PTPN14: variants seen among roughly 807,000 people sequenced by gnomAD.
PTPN14 encodes the protein protein tyrosine phosphatase non-receptor type 14, also known as tyrosine-protein phosphatase non-receptor type 14.
Under a neutral mutation model 126.8 loss-of-function variants are expected in PTPN14, and 53 were observed. That is an observed-to-expected ratio of 0.42 (90% CI 0.34 to 0.53). PTPN14 has a LOEUF of 0.53. Among genes scored for constraint, PTPN14 ranks in the 20% least tolerant of loss-of-function variants. The pLI is 0.08. For synonymous variants in PTPN14, 630 were observed against 599.3 expected, an observed-to-expected ratio of 1.05 and a Z score of -0.75; for missense variants, 1,257 against 1,552.9, an observed-to-expected ratio of 0.81 and a Z score of 3.20.
At position 214,383,674 on chromosome 1, in the gene PTPN14, G is replaced by T. The variant is rs758487866; in HGVS notation, c.2181C>A (p.Leu727=). ...APESVPQIPM[L]REKMEYSAQL... ...GGGCACTGTACTCCATCTTCTCCCG[G>T]AGCATGGGGATCTGGGGCACCGATT... The change falls in exon 13 of 19, where the codon CTC becomes CTA. Residue 727 remains leucine (L), a synonymous_variant. Transcript: ENST00000366956. The surrounding 1 kb of genome is among the most constrained non-coding windows in gnomAD (Gnocchi z 4.4). The T allele has an allele frequency of 6.2e-7, 1 of 1,613,386 alleles. No homozygotes were observed.
rs185535974 is a variant in PTPN14 at position 214,355,792 on chromosome 1, C to G, written c.*2130G>C. 1.3e-5 allele frequency: 2 copies of G among 152,210 alleles called. No individual in the cohort carries two copies. Among genetic ancestry groups the G allele is most frequent in the African/African-American group, 4.8e-5 (2 of 41,526 alleles). The allele number at this position is 152,210 out of a possible 1,614,324, so 9.4% of individuals were successfully genotyped here. On this transcript the variant is annotated 3_prime_UTR_variant, in exon 19 of 19. Coordinates refer to ENST00000366956, the MANE Select transcript of PTPN14 (RefSeq NM_005401.5). ...GGTGATGGGATGTCACAAAGGCATACTTTTTCTGGTTGATTTGATGTCACT... is the reference window on the plus strand; with the variant it reads ...GGTGATGGGATGTCACAAAGGCATAGTTTTTCTGGTTGATTTGATGTCACT...
intron 5 of PTPN14, among the ~76,000 whole-genome samples, chr1:214,404,673 C>T (rs1221778331): frequency 1.3e-5 from 2 of 152,180 alleles, no homozygotes; most frequent in African/African-American, 4.8e-5. Flanking sequence ...GAGGTATGTG[C>T]CCTGCCAGGG....
chr1:214,432,881 T>C (rs2102609455), intron 3 of PTPN14, among the ~76,000 whole-genome samples: 1 of 152,268 alleles, frequency 6.6e-6, no homozygotes, highest in South Asian at 2.1e-4. Context: ...ACTGACTGCA[T>C]GGGTGTGTTC....
chr1:214,501,574 G>A (rs1654700550), intron 1 of PTPN14, among the ~76,000 whole-genome samples: 1 of 152,064 alleles, frequency 6.6e-6, no homozygotes, highest in South Asian at 2.1e-4. Context: ...GAACAATTAG[G>A]CTATAAATTC....
chr1:214,435,063 G>A (rs912095806), intron 3 of PTPN14, among the ~76,000 whole-genome samples: 13 of 152,192 alleles, frequency 8.5e-5, no homozygotes, highest in Non-Finnish European at 1.6e-4. Context: ...CATGTGGCCC[G>A]CAGGCTGCGG....
At chr1:214,465,218 C>T (rs1660607303) in intron 1 of PTPN14, among the ~76,000 whole-genome samples, 1 of 152,206 alleles carries the variant, frequency 6.6e-6, no homozygotes, top group Non-Finnish European at 1.5e-5. Context: ...CATTCATTCA[C>T]AGGTGCACAG....
At chr1:214,467,567 A>G (rs1660668992) in intron 1 of PTPN14, among the ~76,000 whole-genome samples, 2 of 47,360 alleles carry the variant, frequency 4.2e-5, no homozygotes, top group Middle Eastern at 9.8e-3. Flanking sequence ...TTTTTATGAT[A>G]TACAAAAACA....
At chr1:214,369,156 CTTG>C (rs531300920) in intron 17 of PTPN14, among the ~76,000 whole-genome samples, 4 of 152,152 alleles carry the variant, frequency 2.6e-5, no homozygotes, top group African/African-American at 7.2e-5. Context: ...AAAGTTCATC[CTTG>C]TTGTAACATG....
chr1:214,537,237 G>A (rs976497379), intron 1 of PTPN14, among the ~76,000 whole-genome samples: 1 of 152,138 alleles, frequency 6.6e-6, no homozygotes, highest in African/African-American at 2.4e-5. Context: ...ACCTTTCACT[G>A]CTAGGGAAAA....
intron 3 of PTPN14, among the ~76,000 whole-genome samples, chr1:214,446,214 C>T (rs1367027048): frequency 6.6e-6 from 1 of 152,098 alleles, no homozygotes; most frequent in Non-Finnish European, 1.5e-5. Flanking sequence ...AGAGTGTGTC[C>T]TTCTTTTCAC....
intron 8 of PTPN14, among the ~76,000 whole-genome samples, chr1:214,397,235 C>T (rs1228268903): frequency 1.3e-5 from 2 of 152,304 alleles, no homozygotes; most frequent in Admixed American, 6.5e-5. Flanking sequence ...GCCCTGGATA[C>T]ACAGATCCGC....
chr1:214,517,596 C>A (rs1655141248), intron 1 of PTPN14, among the ~76,000 whole-genome samples: 1 of 151,728 alleles, frequency 6.6e-6, no homozygotes, highest in African/African-American at 2.4e-5. Flanking sequence ...TGAAACTTAC[C>A]TTTCTTCTGA....
rs756342844 is a variant in PTPN14, at chr1:214,376,261, G to C, written c.2865C>G (p.Thr955=). The change falls in exon 15 of 19, where the codon ACC becomes ACG. Residue 955 remains threonine, a synonymous_variant. Transcript: ENST00000366956. ...YEENRVELIP[T]KENNTGYINA... ...TAATGTATCCTGTGTTATTTTCTTT[G>C]GTTGGTATCAGCTCTACTCGATTCT... 8 of 1,614,108 alleles carry C rather than the reference G, an allele frequency of 5.0e-6. No homozygotes were observed. In the Middle Eastern group the frequency reaches 4.9e-4, roughly 100 times the overall value.
chr1:214,502,775 A>G (rs1654738889), intron 1 of PTPN14, among the ~76,000 whole-genome samples: 1 of 152,234 alleles, frequency 6.6e-6, no homozygotes, highest in Admixed American at 6.5e-5. Context: ...AATAAAATAT[A>G]GCGCAATAAT....
rs1293128211 is a variant in PTPN14, at chr1:214,349,585, A to G, written c.*8337T>C. Reference sequence around the variant, plus strand: ...TTAGCTTGTTACTTGATGTAACACAAGTTACATAAGGTTACACATTTATTA... The same window carrying G: ...TTAGCTTGTTACTTGATGTAACACAGGTTACATAAGGTTACACATTTATTA... On this transcript the variant is annotated 3_prime_UTR_variant, in exon 19 of 19. Transcript: ENST00000366956. The G allele has an allele frequency of 6.6e-6, 1 of 152,220 alleles. No homozygotes were observed. Among genetic ancestry groups the G allele is most frequent in the Non-Finnish European group, 1.5e-5 (1 of 68,042 alleles). The allele number at this position is 152,220 out of a possible 1,614,324, so 9.4% of individuals were successfully genotyped here. A position where few individuals can be genotyped will look rare whatever the true frequency, so the allele number is the denominator to read the frequency against.
At chr1:214,459,612 G>A (rs1660463537) in intron 2 of PTPN14, among the ~76,000 whole-genome samples, 1 of 151,986 alleles carries the variant, frequency 6.6e-6, no homozygotes, top group African/African-American at 2.4e-5. Context: ...TGGGATTACA[G>A]GCATGTGCCA....
chr1:214,408,458 A>T (rs1659219505), intron 5 of PTPN14, among the ~76,000 whole-genome samples: 1 of 152,188 alleles, frequency 6.6e-6, no homozygotes, highest in South Asian at 2.1e-4. Flanking sequence ...AAAATTCCCC[A>T]GGGGTTAAAA....
Position 214,533,077 on chromosome 1 carries a change from C to T in PTPN14, c.-155+18106G>A, listed in dbSNP as rs183024574. On this transcript the variant is annotated intron_variant, in intron 1 of 18. Transcript: ENST00000366956. ...TGAGATGACACTCACGGAGCTGGGA[C>T]GTACGGTCCAGTCCTTGGAGATCGA... 199 of 739,052 alleles carry T rather than the reference C, an allele frequency of 2.7e-4. No individual in the cohort carries two copies. In the East Asian group the frequency reaches 3.2e-3, roughly 12 times the overall value. The allele number at this position is 739,052 out of a possible 1,614,324, so 45.8% of individuals were successfully genotyped here.
At chr1:214,419,612 A>T (rs1429039616) in intron 3 of PTPN14, among the ~76,000 whole-genome samples, 1 of 152,138 alleles carries the variant, frequency 6.6e-6, no homozygotes, top group Non-Finnish European at 1.5e-5. Context: ...TGCAGCATGT[A>T]CCAAAGTGCC....
Sources: gnomAD v4.1 joint callset for allele counts (sites outside exome capture counted in the v4.1 genomes callset) on GRCh38, gnomAD v4.1.1 for gene constraint, Gnocchi (gnomAD v3.1) non-coding constraint, MANE v1.5 for transcripts, NCBI Gene and HGNC (gene_info 2026-07-23, HGNC 2026-07-21) for gene names.